ZKSCAN7: variants seen among roughly 807,000 people sequenced by gnomAD.
ZKSCAN7 encodes zinc finger protein with KRAB and SCAN domains 7.
Under a neutral mutation model 65.3 loss-of-function variants are expected in ZKSCAN7, and 38 were observed. That is an observed-to-expected ratio of 0.58 (90% CI 0.45 to 0.76). ZKSCAN7 has a LOEUF of 0.76. ZKSCAN7 is among the 30% of genes least tolerant of loss of function. ZKSCAN7 has a pLI of 0.00. For synonymous variants in ZKSCAN7, 321 were observed against 321.0 expected (o/e 1.00, Z 0.00); for missense variants, 815 against 913.3 (o/e 0.89, Z 1.39).
chr3:44,563,501 C>G (rs1699541270), intron 2 of ZKSCAN7, among the ~76,000 whole-genome samples: 1 of 152,164 alleles, frequency 6.6e-6, no homozygotes, highest in South Asian at 2.1e-4. Flanking sequence ...AACTTAAAAT[C>G]ATAGTGGAAG....
At position 44,570,166 on chromosome 3, in the gene ZKSCAN7, C is replaced by T. The variant is rs376927776; in HGVS notation, c.1056C>T (p.Asp352=). The T allele has an allele frequency of 2.5e-6, 4 of 1,614,094 alleles. No homozygotes were observed. In the African/African-American group the frequency reaches 5.3e-5, roughly 22 times the overall value. ...AAGATAAGAAAAAATCCACAAAAGACAGATATGACAAATATAAGGAAGTTG... is the reference window on the plus strand; with the variant it reads ...AAGATAAGAAAAAATCCACAAAAGATAGATATGACAAATATAAGGAAGTTG... ...TDEDKKKSTK[D]RYDKYKEVGE... Residue 352 remains aspartate, a synonymous_variant, in exon 6 of 6, where the codon GAC becomes GAT. Coordinates refer to ENST00000426540, the MANE Select transcript of ZKSCAN7 (RefSeq NM_001288590.2).
chr3:44,556,677 T>C (rs1575352799), intron 1 of ZKSCAN7, among the ~76,000 whole-genome samples: 1 of 152,148 alleles, frequency 6.6e-6, no homozygotes, highest in Admixed American at 6.6e-5. Context: ...TGGTAGAGGG[T>C]GTGGCTGGTT....
At chr3:44,573,004 C>G (rs1360821778), downstream of ZKSCAN7, among the ~76,000 whole-genome samples, 1 of 152,134 alleles carries the variant, frequency 6.6e-6, no homozygotes, top group Non-Finnish European at 1.5e-5. Context: ...ATAATAGATT[C>G]ACAGGAATCT....
Position 44,579,287 on chromosome 3 carries a change from C to G in ZKSCAN7, c.812-3685C>G, listed in dbSNP as rs570656348. Among the ~76,000 whole-genome samples the G allele has an allele frequency of 2.6e-5, 4 of 152,350 alleles. 1 individual carries two copies. The South Asian group carries it at 8.3e-4, about 32-fold the overall frequency. ...CTCCTCCCGCCTCCGTGCACGCTCC[C>G]GCTCCAGCTCCCCAGGCTCCGCCTC... On this transcript the variant is annotated intron_variant, in intron 5 of 5. Transcript: ENST00000341840.
intron 2 of ZKSCAN7, among the ~76,000 whole-genome samples, chr3:44,560,287 G>A (rs984627812): frequency 1.3e-5 from 2 of 152,026 alleles, no homozygotes; most frequent in Non-Finnish European, 2.9e-5. Context: ...TTACAGAATG[G>A]CTAAATGAAT....
At chr3:44,564,556 A>T (rs562548347) in intron 2 of ZKSCAN7, among the ~76,000 whole-genome samples, 2 of 152,252 alleles carry the variant, frequency 1.3e-5, no homozygotes, top group Non-Finnish European at 2.9e-5. Context: ...TCTAGAAATT[A>T]TAATTGGTTA....
chr3:44,566,907 TCAGGAGTTTGAGAC>T (rs1465214441), intron 3 of ZKSCAN7, among the ~76,000 whole-genome samples: 1 of 151,830 alleles, frequency 6.6e-6, no homozygotes, highest in Non-Finnish European at 1.5e-5. Context: ...TCACTTGAGG[TCAGGAGTTTGAGAC>T]CAGCCTGGCC....
At position 44,570,073 on chromosome 3, in the gene ZKSCAN7, G is replaced by A; in HGVS notation, c.963G>A (p.Glu321=). The A allele has an allele frequency of 2.5e-6, 4 of 1,614,006 alleles. No homozygotes were observed. The highest frequency in any genetic ancestry group is 2.5e-6 in the Non-Finnish European group (3 of 1,179,992). Residue 321 remains glutamate (E), a synonymous_variant, in exon 6 of 6, where the codon GAG becomes GAA. Coordinates refer to ENST00000426540, the MANE Select transcript of ZKSCAN7 (RefSeq NM_001288590.2). ...TGDVCEDTFK[E]LEGQTSDEEG... ...ATGTTTGTGAAGATACTTTCAAGGA[G>A]TTAGAAGGACAAACCTCAGATGAAG...
chr3:44,569,813 T>C, intron 5 of ZKSCAN7, 109 bp from the exon 6 acceptor site: 1 of 1,422,780 alleles, frequency 7.0e-7, no homozygotes, highest in Non-Finnish European at 9.2e-7. Flanking sequence ...TGTCATCTCA[T>C]TTCTTAACCA....
intron 2 of ZKSCAN7, among the ~76,000 whole-genome samples, chr3:44,560,112 A>G (rs1699422918): frequency 6.6e-6 from 1 of 152,154 alleles, no homozygotes; most frequent in Non-Finnish European, 1.5e-5. Flanking sequence ...ACCCAAGAAA[A>G]TGACTAACAG....
chr3:44,568,573 G>C, intron 5 of ZKSCAN7, 140 bp downstream of exon 5: 2 of 1,222,848 alleles, frequency 1.6e-6, no homozygotes, highest in Non-Finnish European at 1.1e-6. Flanking sequence ...GACCCTTTCT[G>C]CATTCATCAC....
downstream of ZKSCAN7, among the ~76,000 whole-genome samples, chr3:44,574,624 A>G (rs189506714): frequency 6.6e-6 from 1 of 152,336 alleles, no homozygotes; most frequent in East Asian, 1.9e-4. Flanking sequence ...GCAGGGTAAT[A>G]TAGTGGTTAA....
chr3:44,558,295 G>A (rs547301592), intron 2 of ZKSCAN7, among the ~76,000 whole-genome samples: 10 of 152,018 alleles, frequency 6.6e-5, no homozygotes, highest in Non-Finnish European at 7.4e-5. Context: ...GAGGCCGAAG[G>A]GGGTGGATCA....
intron 5 of ZKSCAN7, among the ~76,000 whole-genome samples, chr3:44,581,302 G>A (rs574391215): frequency 2.0e-5 from 3 of 150,474 alleles, no homozygotes; most frequent in South Asian, 2.1e-4. Flanking sequence ...GCTGCGGCCC[G>A]CCTCTCAAGC....
intron 5 of ZKSCAN7, among the ~76,000 whole-genome samples, chr3:44,579,694 C>G (rs1290913174): frequency 1.3e-5 from 2 of 152,194 alleles, no homozygotes; most frequent in African/African-American, 4.8e-5. Flanking sequence ...CATAGTTTCT[C>G]TGAACTGGAT....
intron 3 of ZKSCAN7, among the ~76,000 whole-genome samples, chr3:44,567,694 C>T (rs1417832532): frequency 6.6e-6 from 1 of 151,940 alleles, no homozygotes; most frequent in African/African-American, 2.4e-5. Flanking sequence ...AGAGTGAGGG[C>T]TTGGAGGAAC....
rs992393884 is a variant in ZKSCAN7, at chr3:44,555,352, C to G, written c.-248C>G. The G allele has an allele frequency of 6.6e-6, 1 of 152,262 alleles. No homozygotes were observed. Among genetic ancestry groups the G allele is most frequent in the Middle Eastern group, 3.2e-3 (1 of 316 alleles). The allele number at this position is 152,262 out of a possible 1,614,324, so 9.4% of individuals were successfully genotyped here. On this transcript the variant is annotated 5_prime_UTR_variant, in exon 1 of 6. Coordinates refer to ENST00000426540, the MANE Select transcript of ZKSCAN7 (RefSeq NM_001288590.2). Reference sequence around the variant, plus strand: ...CGCGCTTCTTCCCGGCGGCAGGCGGCGCGGTCCCCGTGACTCTCAGAAGCC... The same window carrying G: ...CGCGCTTCTTCCCGGCGGCAGGCGGGGCGGTCCCCGTGACTCTCAGAAGCC...
In ZKSCAN7 at chr3:44,571,694, A is replaced by AATAT; in HGVS notation, c.*320_*323dup. 8.5e-7 allele frequency: 1 copy of AATAT among 1,174,724 alleles called. No homozygotes were observed. Among genetic ancestry groups the AATAT allele is most frequent in the Non-Finnish European group, 1.1e-6 (1 of 945,816 alleles). The allele number at this position is 1,174,724 out of a possible 1,614,324, so 72.8% of individuals were successfully genotyped here. A position where few individuals can be genotyped will look rare whatever the true frequency, so the allele number is the denominator to read the frequency against. On this transcript the variant is annotated 3_prime_UTR_variant, in exon 6 of 6. Transcript: ENST00000426540. Reference sequence around the variant, plus strand: ...CTCCATGCTTTTTAAAGACAGAGATAATATCTTCTCTATTCTATTCTACTT... The same window carrying AATAT: ...CTCCATGCTTTTTAAAGACAGAGATAATATATATCTTCTCTATTCTATTCTACTT...
intron 5 of ZKSCAN7, among the ~76,000 whole-genome samples, chr3:44,579,131 T>A (rs1699996830): frequency 6.6e-6 from 1 of 152,244 alleles, no homozygotes; most frequent in Admixed American, 6.5e-5. Flanking sequence ...CTGCTCGATC[T>A]CCACGTGGAC....
Sources: allele counts gnomAD v4.1 joint callset (sites outside exome capture counted in the v4.1 genomes callset), GRCh38; gene constraint gnomAD v4.1.1; transcripts MANE v1.5; gene names NCBI Gene and HGNC (gene_info 2026-07-23, HGNC 2026-07-21).